MYO10: variants seen among roughly 807,000 people sequenced by gnomAD.
MYO10 encodes unconventional myosin-X.
A neutral mutation model predicts 257.3 loss-of-function variants in MYO10; 133 were observed. The observed-to-expected ratio is 0.52, with a 90% CI of 0.45 to 0.60. The LOEUF (loss-of-function observed/expected upper bound fraction) is 0.60, where lower values mean the gene tolerates loss of function less well. Among genes scored for constraint, MYO10 ranks in the 20% least tolerant of loss-of-function variants. The pLI is 0.00. For synonymous variants in MYO10, 1,104 were observed against 1,028.6 expected, an observed-to-expected ratio of 1.07 and a Z score of -1.40; for missense variants, 2,399 against 2,635.7, an observed-to-expected ratio of 0.91 and a Z score of 1.97.
intron 3 of MYO10, among the ~76,000 whole-genome samples, chr5:16,814,097 G>A (rs1742525087): frequency 6.6e-6 from 1 of 152,180 alleles, no homozygotes; most frequent in Non-Finnish European, 1.5e-5. Context: ...TTTGATTTCT[G>A]CTGGTGAGAC....
intron 2 of MYO10, among the ~76,000 whole-genome samples, chr5:16,841,485 C>T (rs1207709781): frequency 6.6e-6 from 1 of 152,112 alleles, no homozygotes; most frequent in Non-Finnish European, 1.5e-5. Context: ...ATCCTGACAC[C>T]AAAATTTATC....
At chr5:16,822,788 G>C (rs996464251) in intron 2 of MYO10, among the ~76,000 whole-genome samples, 19 of 151,772 alleles carry the variant, frequency 1.3e-4, no homozygotes, top group Admixed American at 9.2e-4. Flanking sequence ...CCCAGGTTCA[G>C]GCCATTCTCC....
intron 2 of MYO10, among the ~76,000 whole-genome samples, chr5:16,852,689 TC>T (rs1212572625): frequency 3.3e-5 from 5 of 151,940 alleles, no homozygotes; most frequent in Non-Finnish European, 4.4e-5. Context: ...AGCCCTCTTT[TC>T]TCCCTATTCT....
intron 1 of MYO10, among the ~76,000 whole-genome samples, chr5:16,880,501 G>A (rs1437002189): frequency 2.0e-5 from 3 of 151,930 alleles, no homozygotes; most frequent in South Asian, 2.1e-4. Flanking sequence ...ACATGCTATG[G>A]AGATTCTAAG....
At position 16,663,830 on chromosome 5, in the gene MYO10, A is replaced by T. The variant is rs922795172; in HGVS notation, c.*2862T>A. On this transcript the variant is annotated 3_prime_UTR_variant, in exon 41 of 41. Transcript: ENST00000513610. ...GTAAGGAAAGATGTGTGCAGGTTCTATGCAAATATTATACCACTGTATAGC... is the reference window on the plus strand; with the variant it reads ...GTAAGGAAAGATGTGTGCAGGTTCTTTGCAAATATTATACCACTGTATAGC... 3.5e-5 allele frequency: 5 copies of T among 142,902 alleles called. No homozygotes were observed. The highest frequency in any genetic ancestry group is 1.0e-4 in the African/African-American group (4 of 38,232). 8.9% of individuals were successfully genotyped at this position (142,902 alleles called of 1,614,324 possible). A position where few individuals can be genotyped will look rare whatever the true frequency, so the allele number is the denominator to read the frequency against.
intron 1 of MYO10, among the ~76,000 whole-genome samples, chr5:16,923,799 C>A (rs1746057836): frequency 8.9e-6 from 1 of 112,686 alleles, no homozygotes. Flanking sequence ...AAATAAAAAT[C>A]AAAAAATTGG....
intron 19 of MYO10, among the ~76,000 whole-genome samples, chr5:16,749,563 C>A (rs1459373909): frequency 6.6e-6 from 1 of 151,924 alleles, no homozygotes; most frequent in African/African-American, 2.4e-5. Flanking sequence ...GAAACCAGTC[C>A]CAGAAACATT....
chr5:16,754,899 G>A lies in MYO10; in HGVS notation c.1858C>T (p.His620Tyr), dbSNP rs2126643377. The A allele has an allele frequency of 6.3e-7, 1 of 1,591,810 alleles. No homozygotes were observed. Among genetic ancestry groups the A allele is most frequent in the Middle Eastern group, 1.7e-4 (1 of 6,028 alleles). ...GAGCTTAGCGTTGCCATTAAGGAATGCAGTGAGTCCTATTAGAAAAAGTAT... is the reference window on the plus strand; with the variant it reads ...GAGCTTAGCGTTGCCATTAAGGAATACAGTGAGTCCTATTAGAAAAAGTAT... ...TVSSQFKDSL[H>Y]SLMATLSSSN... Residue 620 changes from histidine to tyrosine, a missense_variant, in exon 19 of 41, where the codon CAT becomes TAT. By Grantham distance (83) the His-to-Tyr change is moderately conservative. Coordinates refer to ENST00000513610, the MANE Select transcript of MYO10 (RefSeq NM_012334.3).
intron 9 of MYO10, among the ~76,000 whole-genome samples, chr5:16,778,537 A>C (rs1741294206): frequency 6.6e-6 from 1 of 152,004 alleles, no homozygotes. Context: ...AGTGAACTGG[A>C]GCCTGACGTA....
intron 1 of MYO10, among the ~76,000 whole-genome samples, 188 bp downstream of exon 1, chr5:16,935,600 G>A (rs1199480156): frequency 6.6e-6 from 1 of 152,018 alleles, no homozygotes; most frequent in Non-Finnish European, 1.5e-5. Flanking sequence ...CGCGGGACAG[G>A]ACGAAACAAA....
intron 19 of MYO10, among the ~76,000 whole-genome samples, chr5:16,753,566 G>A (rs1740444763): frequency 6.6e-6 from 1 of 150,742 alleles, no homozygotes; most frequent in Non-Finnish European, 1.5e-5. Flanking sequence ...CACCTCCTGG[G>A]TTCAAGTGAT....
intron 1 of MYO10, among the ~76,000 whole-genome samples, chr5:16,915,399 T>C (rs1745786528): frequency 6.6e-6 from 1 of 152,080 alleles, no homozygotes; most frequent in Non-Finnish European, 1.5e-5. Flanking sequence ...TCCTCTATGA[T>C]TATCGTTATT....
At chr5:16,893,155 C>T (rs1329579252) in intron 1 of MYO10, among the ~76,000 whole-genome samples, 6 of 137,604 alleles carry the variant, frequency 4.4e-5, no homozygotes, top group South Asian at 2.3e-4. Flanking sequence ...CGAGATTGCG[C>T]CACTGCACTC....
At chr5:16,725,575 A>G (rs940612098) in intron 19 of MYO10, among the ~76,000 whole-genome samples, 2 of 152,206 alleles carry the variant, frequency 1.3e-5, no homozygotes, top group Non-Finnish European at 1.5e-5. Context: ...ATACATTTTT[A>G]AAAAAGCAAT....
intron 2 of MYO10, among the ~76,000 whole-genome samples, chr5:16,861,087 G>A (rs1744094998): frequency 1.3e-5 from 2 of 152,066 alleles, no homozygotes; most frequent in South Asian, 4.1e-4. Context: ...TCATTATTCT[G>A]AGGCAGAGCC....
chr5:16,866,953 C>T (rs1561026808), intron 2 of MYO10, among the ~76,000 whole-genome samples: 1 of 152,206 alleles, frequency 6.6e-6, no homozygotes, highest in Non-Finnish European at 1.5e-5. Context: ...CTGCCAGCTG[C>T]CCGACCTGGA....
intron 4 of MYO10, among the ~76,000 whole-genome samples, chr5:16,791,713 G>A (rs1412729090): frequency 6.6e-6 from 1 of 152,170 alleles, no homozygotes; most frequent in African/African-American, 2.4e-5. Flanking sequence ...GGATCTAAGT[G>A]TGGACACCAA....
intron 39 of MYO10, among the ~76,000 whole-genome samples, chr5:16,669,892 C>A (rs1736362214): frequency 6.6e-6 from 1 of 152,172 alleles, no homozygotes; most frequent in Admixed American, 6.5e-5. Context: ...CACAACTACT[C>A]AACTCTGTAC....
At position 16,780,401 on chromosome 5, in the gene MYO10, G is replaced by C. The variant is rs1741387658; in HGVS notation, c.826+123C>G. On this transcript the variant is annotated intron_variant, in intron 8 of 40. Transcript: ENST00000513610. The stretch of plus-strand genomic sequence containing the variant: ...TCAGCATCTTTTTGGTGTTCGCATA[G>C]TGTACATTTCATTGCTATCGGTGAA... The C allele has an allele frequency of 1.3e-5, 12 of 908,524 alleles. No individual in the cohort carries two copies. The South Asian group carries it at 1.5e-4, about 11-fold the overall frequency. 56.3% of individuals were successfully genotyped at this position (908,524 alleles called of 1,614,324 possible).
Sources: gnomAD v4.1 joint callset for allele counts (sites outside exome capture counted in the v4.1 genomes callset) on GRCh38, gnomAD v4.1.1 for gene constraint, MANE v1.5 for transcripts, NCBI Gene and HGNC (gene_info 2026-07-23, HGNC 2026-07-21) for gene names.